Variants in HECW2 observed in about 807,000 individuals in gnomAD.
The protein encoded by HECW2 is E3 ubiquitin-protein ligase HECW2.
HECW2 carries 61 observed loss-of-function variants against 175.2 expected under a neutral mutation model. The ratio of observed to expected loss-of-function variants is 0.35; its 90% CI spans 0.28 to 0.43. HECW2 has a LOEUF of 0.43. HECW2 is among the 20% of genes least tolerant of loss of function. HECW2 has a pLI of 1.00. For synonymous variants in HECW2, 671 were observed against 731.0 expected, an observed-to-expected ratio of 0.92 and a Z score of 1.32; for missense variants, 1,524 against 2,000.5, an observed-to-expected ratio of 0.76 and a Z score of 4.54.
At chr2:196,452,494 C>G (rs532935717) in intron 1 of HECW2, among the ~76,000 whole-genome samples, 2 of 152,164 alleles carry the variant, frequency 1.3e-5, no homozygotes, top group South Asian at 4.2e-4. Flanking sequence ...TCCTATTTTC[C>G]AAGTAATTCT....
intron 1 of HECW2, among the ~76,000 whole-genome samples, chr2:196,546,618 T>C (rs559110126): frequency 3.3e-4 from 50 of 152,122 alleles, no homozygotes; most frequent in Non-Finnish European, 6.2e-4. Context: ...GGATCAGGGG[T>C]TGGTGCTTGA....
intron 13 of HECW2, among the ~76,000 whole-genome samples, chr2:196,298,552 G>C (rs1274787523): frequency 6.6e-6 from 1 of 151,798 alleles, no homozygotes; most frequent in Non-Finnish European, 1.5e-5. Context: ...CAACGTGCAG[G>C]TTTGTTACAT....
intron 21 of HECW2, among the ~76,000 whole-genome samples, chr2:196,229,430 C>T (rs571901607): frequency 6.6e-5 from 10 of 152,078 alleles, no homozygotes; most frequent in South Asian, 4.1e-4. Flanking sequence ...GAAGCCAAGG[C>T]GGGAAGATCC....
intron 13 of HECW2, among the ~76,000 whole-genome samples, chr2:196,305,168 G>A (rs1253015416): frequency 6.6e-6 from 1 of 152,092 alleles, no homozygotes; most frequent in Non-Finnish European, 1.5e-5. Flanking sequence ...GGGATGCCAG[G>A]GCCCACAGTT....
At chr2:196,354,247 T>C (rs1385677032) in intron 2 of HECW2, among the ~76,000 whole-genome samples, 2 of 152,214 alleles carry the variant, frequency 1.3e-5, no homozygotes, top group Non-Finnish European at 2.9e-5. Flanking sequence ...GTAACACCCC[T>C]TCTGAGGCTT....
At chr2:196,219,645 T>C (rs147402070) in intron 26 of HECW2, among the ~76,000 whole-genome samples, 9 of 152,358 alleles carry the variant, frequency 5.9e-5, no homozygotes, top group African/African-American at 1.4e-4. Flanking sequence ...GTGGAAAAAC[T>C]GTGCTGATTG....
rs1428095185 is a variant in HECW2 at position 196,381,006 on chromosome 2, T to C, written c.293-37242A>G. ...GGGAGCAGAATGTGGTGGTGGGGGTTCTCACTCTACCATTCCCGAAGTGCT... is the reference window on the plus strand; with the variant it reads ...GGGAGCAGAATGTGGTGGTGGGGGTCCTCACTCTACCATTCCCGAAGTGCT... On this transcript the variant is annotated intron_variant, in intron 2 of 28. Transcript: ENST00000644978. Among the ~76,000 whole-genome samples, 3 of 152,252 alleles carry C rather than the reference T, an allele frequency of 2.0e-5. No homozygotes were observed. In the South Asian group the frequency reaches 6.2e-4, roughly 32 times the overall value.
intron 1 of HECW2, among the ~76,000 whole-genome samples, chr2:196,472,243 G>T (rs1697231490): frequency 6.6e-6 from 1 of 152,052 alleles, no homozygotes; most frequent in Non-Finnish European, 1.5e-5. Context: ...CAGCACTTTG[G>T]GAGGCCAAGA....
intron 15 of HECW2, among the ~76,000 whole-genome samples, chr2:196,276,078 C>T (rs772770667): frequency 2.0e-5 from 3 of 152,210 alleles, no homozygotes; most frequent in Non-Finnish European, 2.9e-5. Flanking sequence ...TATATACTTT[C>T]TCTCCTCACA....
At chr2:196,553,210 T>C (rs189311835) in intron 1 of HECW2, among the ~76,000 whole-genome samples, 1 of 152,348 alleles carries the variant, frequency 6.6e-6, no homozygotes, top group Admixed American at 6.5e-5. Flanking sequence ...CACCATTTTG[T>C]TTGAATTCCA....
At chr2:196,372,554 A>C (rs1693937190) in intron 2 of HECW2, among the ~76,000 whole-genome samples, 1 of 152,208 alleles carries the variant, frequency 6.6e-6, no homozygotes, top group South Asian at 2.1e-4. Context: ...GAATCTGTGC[A>C]TACAATGGGT....
intron 2 of HECW2, among the ~76,000 whole-genome samples, chr2:196,407,000 G>A (rs1291478200): frequency 2.0e-5 from 3 of 152,080 alleles, no homozygotes; most frequent in Admixed American, 2.0e-4. Context: ...AGCTCCACAA[G>A]TTGGGAGACG....
chr2:196,521,346 T>A (rs565491262), intron 1 of HECW2, among the ~76,000 whole-genome samples: 127 of 147,864 alleles, frequency 8.6e-4, no homozygotes, highest in African/African-American at 3.0e-3. Flanking sequence ...AATTCATACC[T>A]AATTTTATAC....
intron 1 of HECW2, among the ~76,000 whole-genome samples, chr2:196,529,959 A>G (rs550017400): frequency 6.6e-6 from 1 of 152,294 alleles, no homozygotes; most frequent in South Asian, 2.1e-4. Context: ...GGCTCTAACA[A>G]TGTTGGCCTA....
chr2:196,338,078 C>G (rs1326255345), intron 3 of HECW2, among the ~76,000 whole-genome samples: 1 of 152,128 alleles, frequency 6.6e-6, no homozygotes, highest in Non-Finnish European at 1.5e-5. Flanking sequence ...TAGCAGCATG[C>G]CTGCTCCCCT....
At chr2:196,487,725 C>G (rs1243558054) in intron 1 of HECW2, among the ~76,000 whole-genome samples, 3 of 152,182 alleles carry the variant, frequency 2.0e-5, no homozygotes, top group Non-Finnish European at 4.4e-5. Flanking sequence ...AACTGTAGTA[C>G]TGACCCTAAA....
intron 17 of HECW2, among the ~76,000 whole-genome samples, chr2:196,267,988 G>T (rs1689580855): frequency 6.6e-6 from 1 of 152,192 alleles, no homozygotes; most frequent in African/African-American, 2.4e-5. Flanking sequence ...ATAGATTACT[G>T]AGTGGCTCCA....
At chr2:196,265,254 G>A (rs1276847312) in intron 17 of HECW2, among the ~76,000 whole-genome samples, 1 of 152,226 alleles carries the variant, frequency 6.6e-6, no homozygotes, top group Non-Finnish European at 1.5e-5. Context: ...GGAGGCCCAG[G>A]AAGGCAGATC....
chr2:196,504,680 C>A (rs1687693791), intron 1 of HECW2, among the ~76,000 whole-genome samples: 1 of 152,184 alleles, frequency 6.6e-6, no homozygotes, highest in African/African-American at 2.4e-5. Context: ...TGTGACATAT[C>A]TCTTTGGACT....
Sources: gnomAD v4.1 joint callset for allele counts (sites outside exome capture counted in the v4.1 genomes callset) on GRCh38, gnomAD v4.1.1 for gene constraint, MANE v1.5 for transcripts, NCBI Gene and HGNC (gene_info 2026-07-23, HGNC 2026-07-21) for gene names.